Variants in AUTS2 observed in about 807,000 individuals in gnomAD.
AUTS2 encodes the protein activator of transcription and developmental regulator AUTS2.
AUTS2 carries 17 observed loss-of-function variants against 112.4 expected under a neutral mutation model. The ratio of observed to expected loss-of-function variants is 0.15; its 90% CI spans 0.10 to 0.23. The LOEUF (loss-of-function observed/expected upper bound fraction) is 0.23, where lower values mean the gene tolerates loss of function less well. AUTS2 is among the 10% of genes least tolerant of loss of function. AUTS2 has a pLI of 1.00. For synonymous variants in AUTS2, 751 were observed against 702.7 expected (o/e 1.07, Z -1.09); for missense variants, 1,510 against 1,701.6 (o/e 0.89, Z 1.98).
At chr7:70,001,508 C>G (rs1799191247) in intron 2 of AUTS2, among the ~76,000 whole-genome samples, 1 of 151,898 alleles carries the variant, frequency 6.6e-6, no homozygotes, top group African/African-American at 2.4e-5. Context: ...CTGAGTGATA[C>G]AGAATGCAGG....
At chr7:70,438,667 C>A (rs976968335) in intron 5 of AUTS2, among the ~76,000 whole-genome samples, 2 of 152,220 alleles carry the variant, frequency 1.3e-5, no homozygotes, top group Admixed American at 1.3e-4. Context: ...AAGACTTCTG[C>A]TCTGTCGGAG....
intron 1 of AUTS2, among the ~76,000 whole-genome samples, chr7:69,771,098 G>A (rs1373745886): frequency 6.6e-6 from 1 of 152,214 alleles, no homozygotes; most frequent in Admixed American, 6.5e-5. Flanking sequence ...CTGTGAATGA[G>A]TAGCCCTGTT....
intron 1 of AUTS2, among the ~76,000 whole-genome samples, chr7:69,813,854 T>G: frequency 6.6e-6 from 1 of 152,186 alleles, no homozygotes; most frequent in East Asian, 1.9e-4. Flanking sequence ...AGACTTAGAC[T>G]CTGGGTGTGA....
intron 1 of AUTS2, among the ~76,000 whole-genome samples, chr7:69,814,132 G>A (rs1790657984): frequency 6.6e-6 from 1 of 152,162 alleles, no homozygotes; most frequent in Non-Finnish European, 1.5e-5. Flanking sequence ...CTGGTTTAAA[G>A]GTTCTGCAGT....
intron 2 of AUTS2, among the ~76,000 whole-genome samples, chr7:69,939,027 A>G (rs1270499552): frequency 6.6e-6 from 1 of 152,198 alleles, no homozygotes; most frequent in Non-Finnish European, 1.5e-5. Flanking sequence ...TCAATTTGTA[A>G]AGATTTAGAT....
intron 4 of AUTS2, among the ~76,000 whole-genome samples, chr7:70,222,648 CTT>C (rs1297533970): frequency 6.6e-6 from 1 of 150,980 alleles, no homozygotes; most frequent in Non-Finnish European, 1.5e-5. Flanking sequence ...CCTCAAAAGA[CTT>C]TAAGTTCTCT....
At chr7:70,155,714 T>A (rs934393997) in intron 4 of AUTS2, among the ~76,000 whole-genome samples, 1 of 152,034 alleles carries the variant, frequency 6.6e-6, no homozygotes, top group African/African-American at 2.4e-5. Context: ...GCCCCAAATA[T>A]CCCTTCCCTT....
intron 4 of AUTS2, among the ~76,000 whole-genome samples, chr7:70,319,565 T>C (rs1256807200): frequency 6.6e-6 from 1 of 152,208 alleles, no homozygotes; most frequent in Admixed American, 6.5e-5. Context: ...TGTTAAAAAG[T>C]GTTTGCTAAG....
intron 5 of AUTS2, among the ~76,000 whole-genome samples, chr7:70,458,049 C>G (rs1796815578): frequency 6.6e-6 from 1 of 152,110 alleles, no homozygotes; most frequent in Non-Finnish European, 1.5e-5. Context: ...CCGCCAAATT[C>G]CCTTTCAAGG....
At chr7:69,847,042 C>T (rs1204426950) in intron 1 of AUTS2, among the ~76,000 whole-genome samples, 3 of 152,164 alleles carry the variant, frequency 2.0e-5, no homozygotes, top group African/African-American at 7.2e-5. Context: ...CCTTGAAATG[C>T]ACCTTAAGGC....
At chr7:70,410,740 G>A (rs1794740947) in intron 4 of AUTS2, among the ~76,000 whole-genome samples, 1 of 151,676 alleles carries the variant, frequency 6.6e-6, no homozygotes. Context: ...TTTTTATTCA[G>A]GTAAGGACAG....
chr7:70,195,148 A>G (rs77892533), intron 4 of AUTS2, among the ~76,000 whole-genome samples: 6,946 of 152,280 alleles, frequency 0.046, 196 homozygotes, highest in East Asian at 0.13. Context: ...TCCTTCCTCA[A>G]TATGCTTAAA....
chr7:70,671,170 C>T (rs1256374435), intron 5 of AUTS2, among the ~76,000 whole-genome samples: 4 of 145,936 alleles, frequency 2.7e-5, no homozygotes, highest in East Asian at 1.9e-4. Context: ...GGTGACAGAG[C>T]GAGACTCCGT....
At chr7:70,749,960 G>A (rs1050486303) in intron 6 of AUTS2, among the ~76,000 whole-genome samples, 2 of 152,232 alleles carry the variant, frequency 1.3e-5, no homozygotes, top group Non-Finnish European at 2.9e-5. Flanking sequence ...ACAGCTGTGT[G>A]AACTTGGTGG....
chr7:70,597,384 G>A (rs20326), intron 5 of AUTS2, among the ~76,000 whole-genome samples: 35,546 of 152,128 alleles, frequency 0.23, 4,434 homozygotes, highest in Middle Eastern at 0.31. Flanking sequence ...TTCTTCAAGA[G>A]TGAAACGAGT....
At chr7:70,306,897 T>A (rs1789518120) in intron 4 of AUTS2, among the ~76,000 whole-genome samples, 1 of 152,222 alleles carries the variant, frequency 6.6e-6, no homozygotes, top group South Asian at 2.1e-4. Flanking sequence ...AAAACACAGA[T>A]GTCCTGTGAG....
intron 5 of AUTS2, among the ~76,000 whole-genome samples, chr7:70,541,215 T>C (rs1362018753): frequency 6.6e-6 from 1 of 152,178 alleles, no homozygotes; most frequent in African/African-American, 2.4e-5. Context: ...ATCCTTCTAA[T>C]TGCCTTCTTC....
At chr7:70,405,853 G>A (rs1448143476) in intron 4 of AUTS2, among the ~76,000 whole-genome samples, 1 of 152,212 alleles carries the variant, frequency 6.6e-6, no homozygotes, top group Admixed American at 6.5e-5. Context: ...GTTTCAGACT[G>A]AGTGAATAGG....
chr7:70,287,801 G>A (rs1469679273), intron 4 of AUTS2, among the ~76,000 whole-genome samples: 7 of 149,168 alleles, frequency 4.7e-5, no homozygotes, highest in Admixed American at 2.7e-4. Context: ...GATGAGTTTC[G>A]TATGTCTTCT....
Sources: gnomAD v4.1 joint callset for allele counts (sites outside exome capture counted in the v4.1 genomes callset) on GRCh38, gnomAD v4.1.1 for gene constraint, MANE v1.5 for transcripts, NCBI Gene and HGNC (gene_info 2026-07-23, HGNC 2026-07-21) for gene names.